CNGB3: variants seen among roughly 807,000 people sequenced by gnomAD.
The protein encoded by CNGB3 is cyclic nucleotide gated channel subunit beta 3.
CNGB3 carries 86 observed loss-of-function variants against 92.8 expected under a neutral mutation model. The ratio of observed to expected loss-of-function variants is 0.93; its 90% CI spans 0.78 to 1.11. CNGB3 has a LOEUF of 1.11. Ranked by LOEUF, CNGB3 falls within the 50% of genes least tolerant of loss-of-function variation. The pLI is 0.00. For missense variants in CNGB3, 1,026 were observed against 956.8 expected (o/e 1.07, Z -0.95); for synonymous variants, 333 against 332.7 (o/e 1.00, Z -0.01).
chr8:86,728,625 C>T (rs1467137466), intron 2 of CNGB3, among the ~76,000 whole-genome samples: 1 of 152,108 alleles, frequency 6.6e-6, no homozygotes, highest in Non-Finnish European at 1.5e-5. Flanking sequence ...TAATTGCTGG[C>T]CATGGATGTC....
At chr8:86,598,217 C>A (rs534199433) in intron 15 of CNGB3, among the ~76,000 whole-genome samples, 2 of 152,200 alleles carry the variant, frequency 1.3e-5, no homozygotes, top group Admixed American at 1.3e-4. Flanking sequence ...CCTCTGGCTG[C>A]AGAGTGGAGA....
chr8:86,614,941 C>A (rs1053203597), intron 13 of CNGB3, among the ~76,000 whole-genome samples: 8 of 152,084 alleles, frequency 5.3e-5, no homozygotes, highest in Non-Finnish European at 7.4e-5. Context: ...AGTTGGCCTC[C>A]GTATCCATGG....
intron 3 of CNGB3, among the ~76,000 whole-genome samples, chr8:86,717,581 A>T (rs1004388435): frequency 1.4e-5 from 2 of 139,734 alleles, no homozygotes; most frequent in African/African-American, 5.4e-5. Context: ...AAAAAAAAAA[A>T]TCGAGGACTT....
At chr8:86,656,837 A>T (rs369623219) in intron 6 of CNGB3, among the ~76,000 whole-genome samples, 1 of 152,114 alleles carries the variant, frequency 6.6e-6, no homozygotes. Context: ...TCTGTCCCGT[A>T]CTATCAATAA....
intron 15 of CNGB3, among the ~76,000 whole-genome samples, chr8:86,587,262 A>G (rs1228365830): frequency 3.3e-5 from 5 of 151,786 alleles, no homozygotes; most frequent in Admixed American, 2.6e-4. Context: ...AGTAGGTTGC[A>G]AAAATTTTCT....
chr8:86,679,740 G>T (rs146642435), intron 3 of CNGB3, among the ~76,000 whole-genome samples: 1,744 of 152,156 alleles, frequency 0.011, 28 homozygotes, highest in African/African-American at 0.039. Flanking sequence ...TGGCCAGGCT[G>T]GTCTTGAACT....
At chr8:86,669,974 C>T (rs549959088) in intron 4 of CNGB3, among the ~76,000 whole-genome samples, 1 of 152,210 alleles carries the variant, frequency 6.6e-6, no homozygotes, top group African/African-American at 2.4e-5. Context: ...CCTCACCTCC[C>T]AAGTAGCTGG....
At chr8:86,713,411 TAGG>T (rs1335940619) in intron 3 of CNGB3, among the ~76,000 whole-genome samples, 2 of 152,182 alleles carry the variant, frequency 1.3e-5, no homozygotes, top group Non-Finnish European at 2.9e-5. Context: ...AAAGAGTTCC[TAGG>T]AGATTTTACA....
chr8:86,724,087 A>G (rs1186177469), intron 3 of CNGB3, among the ~76,000 whole-genome samples: 3 of 152,156 alleles, frequency 2.0e-5, no homozygotes, highest in African/African-American at 7.2e-5. Context: ...TACTGTGCTT[A>G]TTACCTGGCT....
chr8:86,703,036 C>T (rs1437540149), intron 3 of CNGB3, among the ~76,000 whole-genome samples: 1 of 151,948 alleles, frequency 6.6e-6, no homozygotes, highest in Admixed American at 6.6e-5. Context: ...TTTTGGCATG[C>T]CATAAGGAGC....
intron 2 of CNGB3, among the ~76,000 whole-genome samples, chr8:86,731,046 A>G (rs1306002706): frequency 6.6e-6 from 1 of 152,236 alleles, no homozygotes; most frequent in African/African-American, 2.4e-5. Flanking sequence ...AGTATTTAAG[A>G]TTAACTAGTG....
At chr8:86,712,997 T>G (rs377402193) in intron 3 of CNGB3, among the ~76,000 whole-genome samples, 9 of 152,158 alleles carry the variant, frequency 5.9e-5, no homozygotes, top group African/African-American at 1.9e-4. Flanking sequence ...AGGAAAAACC[T>G]CCTGAAACAG....
At chr8:86,718,727 C>G (rs1824910526) in intron 3 of CNGB3, among the ~76,000 whole-genome samples, 1 of 151,960 alleles carries the variant, frequency 6.6e-6, no homozygotes, top group Non-Finnish European at 1.5e-5. Flanking sequence ...ACAACAAAAA[C>G]TACAGATCAA....
At chr8:86,610,230 A>G (rs1358735956) in intron 14 of CNGB3, among the ~76,000 whole-genome samples, 1 of 152,234 alleles carries the variant, frequency 6.6e-6, no homozygotes, top group East Asian at 1.9e-4. Context: ...AGCACTAGAA[A>G]GGTAGGCCCC....
At chr8:86,585,822 G>T (rs557594057) in intron 15 of CNGB3, among the ~76,000 whole-genome samples, 1 of 152,228 alleles carries the variant, frequency 6.6e-6, no homozygotes, top group East Asian at 1.9e-4. Flanking sequence ...AGAGCCCCCA[G>T]TAAAGGCTAT....
chr8:86,691,293 T>C (rs913992501), intron 3 of CNGB3, among the ~76,000 whole-genome samples: 1 of 152,204 alleles, frequency 6.6e-6, no homozygotes, highest in African/African-American at 2.4e-5. Context: ...TAGGGTTTTC[T>C]AGGTATACAA....
rs1823263120 is a variant in CNGB3 at position 86,644,656 on chromosome 8, G to A, written c.1021C>T (p.Leu341=). The A allele has an allele frequency of 1.3e-6, 2 of 1,592,412 alleles. No homozygotes were observed. The highest frequency in any genetic ancestry group is 8.6e-7 in the Non-Finnish European group (1 of 1,166,714). The change falls in exon 9 of 18, where the codon CTA becomes TTA. Residue 341 remains leucine, a synonymous_variant. Coordinates refer to ENST00000320005, the MANE Select transcript of CNGB3 (RefSeq NM_019098.5). ...TATGCTTTGTCCATTATAGACTCTA[G>A]GTGATGATTAAATTCAAAAAATGAA... ...YTSFFEFNHH[L]ESIMDKAYIY...
At chr8:86,682,124 A>G (rs1173221768) in intron 3 of CNGB3, among the ~76,000 whole-genome samples, 1 of 152,194 alleles carries the variant, frequency 6.6e-6, no homozygotes, top group Non-Finnish European at 1.5e-5. Context: ...TTGAGGCTAA[A>G]GTAGATCTGC....
Position 86,668,944 on chromosome 8 carries a change from AAG to A in CNGB3, c.494-778_494-777del, listed in dbSNP as rs535448129. Reference sequence around the variant, plus strand: ...TGAGGCAAGAGGATCATTTAAGCCCAAGAGTTAGAGGCGGCAGTCAGCTATGA... The same window carrying A: ...TGAGGCAAGAGGATCATTTAAGCCCAAGTTAGAGGCGGCAGTCAGCTATGA... On this transcript the variant is annotated intron_variant, in intron 4 of 17. Transcript: ENST00000320005. 7.1e-3 allele frequency among the ~76,000 whole-genome samples: 1,087 copies of A among 152,274 alleles called. 12 individuals are homozygous for A. Among genetic ancestry groups the A allele is most frequent in the African/African-American group, 0.024 (1,004 of 41,558 alleles).
Sources: gnomAD v4.1 joint callset for allele counts (sites outside exome capture counted in the v4.1 genomes callset) on GRCh38, gnomAD v4.1.1 for gene constraint, MANE v1.5 for transcripts, NCBI Gene and HGNC (gene_info 2026-07-23, HGNC 2026-07-21) for gene names.